Variants in ACBD6 observed in about 807,000 individuals in gnomAD.
ACBD6 encodes the protein acyl-CoA binding domain containing 6.
A neutral mutation model predicts 37.2 loss-of-function variants in ACBD6; 28 were observed. That is an observed-to-expected ratio of 0.75 (90% CI 0.56 to 1.03). The LOEUF (loss-of-function observed/expected upper bound fraction) is 1.03. Among genes scored for constraint, ACBD6 ranks in the 50% least tolerant of loss-of-function variants. ACBD6 has a pLI of 0.00. For missense variants in ACBD6, 340 were observed against 337.4 expected (o/e 1.01, Z -0.06); for synonymous variants, 113 against 126.8 (o/e 0.89, Z 0.73).
chr1:180,318,168 C>CA (rs1553291890), intron 6 of ACBD6, among the ~76,000 whole-genome samples: 1,191 of 84,340 alleles, frequency 0.014, 67 homozygotes, highest in African/African-American at 0.075. Context: ...TCTCCGCCCC[C>CA]CCCCCCCAAA....
At chr1:180,486,456 C>A (rs1651266060) in intron 3 of ACBD6, among the ~76,000 whole-genome samples, 1 of 152,178 alleles carries the variant, frequency 6.6e-6, no homozygotes, top group African/African-American at 2.4e-5. Flanking sequence ...GGCTAACTTA[C>A]CAGGTTCCAG....
chr1:180,350,023 C>CTT (rs371542775), intron 6 of ACBD6, among the ~76,000 whole-genome samples: 38 of 65,548 alleles, frequency 5.8e-4, no homozygotes, highest in African/African-American at 1.4e-3. Context: ...TCCAGTGACC[C>CTT]TTTTTTTTTT....
chr1:180,489,351 CTA>C (rs1475604264), intron 3 of ACBD6, among the ~76,000 whole-genome samples: 2 of 151,078 alleles, frequency 1.3e-5, no homozygotes, highest in African/African-American at 2.4e-5. Context: ...AAAAAAAAAG[CTA>C]TGAGTCAAAG....
intron 6 of ACBD6, among the ~76,000 whole-genome samples, chr1:180,381,657 T>A (rs949365633): frequency 3.3e-5 from 5 of 152,042 alleles, no homozygotes; most frequent in East Asian, 1.9e-4. Context: ...ATAAAAAAAA[T>A]TTATTGAACC....
intron 10 of ACBD6, chr1:180,274,359 C>G: frequency 6.2e-7 from 1 of 1,614,224 alleles, no homozygotes; most frequent in East Asian, 2.2e-5. Context: ...TCCTCCATAT[C>G]GTCCCTGCCA....
chr1:180,306,895 A>T (rs2149287080), intron 7 of ACBD6, among the ~76,000 whole-genome samples: 1 of 152,348 alleles, frequency 6.6e-6, no homozygotes, highest in South Asian at 2.1e-4. Context: ...GAGCCCTTGT[A>T]CACCATTGGT....
chr1:180,405,590 T>C (rs2101963330), intron 5 of ACBD6, among the ~76,000 whole-genome samples: 1 of 152,314 alleles, frequency 6.6e-6, no homozygotes, highest in Admixed American at 6.5e-5. Flanking sequence ...TATTACACTG[T>C]TACATTTGAT....
At chr1:180,468,201 C>T (rs1331842389) in intron 3 of ACBD6, among the ~76,000 whole-genome samples, 2 of 152,178 alleles carry the variant, frequency 1.3e-5, no homozygotes, top group African/African-American at 2.4e-5. Context: ...TATCTCCTGC[C>T]TATCCTTGGG....
intron 3 of ACBD6, among the ~76,000 whole-genome samples, chr1:180,484,499 T>C (rs12087729): frequency 0.012 from 1,795 of 152,172 alleles, 33 homozygotes; most frequent in African/African-American, 0.041. Flanking sequence ...GGTTGTTCTG[T>C]TGGAGAAAGG....
intron 3 of ACBD6, among the ~76,000 whole-genome samples, chr1:180,487,817 T>G (rs1265126979): frequency 6.6e-6 from 1 of 152,134 alleles, no homozygotes; most frequent in Non-Finnish European, 1.5e-5. Flanking sequence ...ACTACAAAAG[T>G]TACAGCCATA....
chr1:180,468,268 G>A (rs1023563921), intron 3 of ACBD6, among the ~76,000 whole-genome samples: 2 of 152,192 alleles, frequency 1.3e-5, no homozygotes, highest in Non-Finnish European at 2.9e-5. Flanking sequence ...AGCAATTACT[G>A]AGGATAGAGA....
intron 7 of ACBD6, among the ~76,000 whole-genome samples, chr1:180,298,337 A>G (rs1650000168): frequency 6.6e-6 from 1 of 152,214 alleles, no homozygotes; most frequent in Non-Finnish European, 1.5e-5. Flanking sequence ...CATTGTATAA[A>G]TCTATAATAC....
At chr1:180,271,908 TC>T in exon 14 of ACBD6, 1 of 1,613,384 alleles carries the variant, frequency 6.2e-7, no homozygotes, top group Non-Finnish European at 8.5e-7. Context: ...TGGGGGCAGT[TC>T]TATAAGAGCG....
intron 7 of ACBD6, among the ~76,000 whole-genome samples, chr1:180,304,809 A>G (rs1417303226): frequency 2.0e-5 from 3 of 151,482 alleles, no homozygotes; most frequent in African/African-American, 7.2e-5. Flanking sequence ...ATCCTAAGCC[A>G]AAAGAACAAA....
chr1:180,381,358 C>T (rs989179910), intron 6 of ACBD6, among the ~76,000 whole-genome samples: 2 of 152,118 alleles, frequency 1.3e-5, no homozygotes, highest in African/African-American at 4.8e-5. Context: ...GCACATTAGA[C>T]CAAAAGGACT....
chr1:180,319,459 G>T (rs937790761), intron 6 of ACBD6, among the ~76,000 whole-genome samples: 1 of 151,954 alleles, frequency 6.6e-6, no homozygotes, highest in Non-Finnish European at 1.5e-5. Context: ...TGATAAATGG[G>T]GTATCCATCC....
At position 180,435,536 on chromosome 1, in the gene ACBD6, C is replaced by T. The variant is rs573219128; in HGVS notation, c.385-5274G>A. On this transcript the variant is annotated intron_variant, in intron 3 of 7. Coordinates refer to ENST00000367595, the MANE Select transcript of ACBD6 (RefSeq NM_032360.4). The stretch of plus-strand genomic sequence containing the variant: ...AAAGTGCTGGGATTACAGGCATGAG[C>T]GACCATGCCCAGCCTGGATGAATTT... 819 of 793,816 alleles carry T rather than the reference C, an allele frequency of 1.0e-3. 8 individuals are homozygous for T. The South Asian group carries it at 0.013, about 12-fold the overall frequency. The allele number at this position is 793,816 out of a possible 1,614,324, so 49.2% of individuals were successfully genotyped here. A position where few individuals can be genotyped will look rare whatever the true frequency, so the allele number is the denominator to read the frequency against.
intron 7 of ACBD6, 53 bp downstream of exon 7, chr1:180,314,635 TAAAC>T: frequency 1.4e-6 from 2 of 1,385,528 alleles, no homozygotes; most frequent in East Asian, 2.3e-5. Flanking sequence ...AAAGTTGAAA[TAAAC>T]AAATAGAGAA....
chr1:180,279,839 T>TAA (rs78141564), intron 9 of ACBD6, among the ~76,000 whole-genome samples: 2 of 142,826 alleles, frequency 1.4e-5, no homozygotes, highest in African/African-American at 5.1e-5. Flanking sequence ...TTCATTACAT[T>TAA]AAAAAAAAAA....
Sources: gnomAD v4.1 joint callset for allele counts (sites outside exome capture counted in the v4.1 genomes callset) on GRCh38, gnomAD v4.1.1 for gene constraint, MANE v1.5 for transcripts, NCBI Gene and HGNC (gene_info 2026-07-23, HGNC 2026-07-21) for gene names.